Variants in RGS12 observed in about 807,000 individuals in gnomAD.
RGS12 encodes the protein regulator of G protein signaling 12, also known as regulator of G-protein signaling 12.
Under a neutral mutation model 120.1 loss-of-function variants are expected in RGS12, and 66 were observed. The ratio of observed to expected loss-of-function variants is 0.55; its 90% CI spans 0.45 to 0.67. RGS12 has a LOEUF of 0.67. RGS12 is among the 30% of genes least tolerant of loss of function. RGS12 has a pLI of 0.00. For synonymous variants in RGS12, 827 were observed against 804.7 expected (o/e 1.03, Z -0.47); for missense variants, 1,859 against 1,957.7 (o/e 0.95, Z 0.95).
chr4:3,343,082 C>A, intron 3 of RGS12, 29 bp downstream of exon 3: 1 of 1,536,686 alleles, frequency 6.5e-7, no homozygotes, highest in Non-Finnish European at 9.0e-7. Flanking sequence ...TTCTTCTTTT[C>A]TCCTTCAAGT....
intron 4 of RGS12, among the ~76,000 whole-genome samples, chr4:3,400,598 T>C (rs1224253031): frequency 6.7e-6 from 1 of 150,288 alleles, no homozygotes; most frequent in Non-Finnish European, 1.5e-5. Context: ...TGTACTCTAT[T>C]AATTATTATA....
chr4:3,422,499 C>T lies in RGS12; in HGVS notation c.2962C>T (p.Leu988=). ...GGCGGGCTTCTCCATCAAAGACATCCTGTCCGGACTCTGTGAGCGGCATGG... is the reference window on the plus strand; with the variant it reads ...GGCGGGCTTCTCCATCAAAGACATCTTGTCCGGACTCTGTGAGCGGCATGG... The part of the protein sequence containing the change: ...VKAGFSIKDI[L]SGLCERHGIN... The change falls in exon 11 of 18, where the codon CTG becomes TTG. Residue 988 remains leucine (L), a synonymous_variant. Transcript: ENST00000336727. 6.2e-7 allele frequency: 1 copy of T among 1,613,008 alleles called. No individual in the cohort carries two copies. The highest frequency in any genetic ancestry group is 8.5e-7 in the Non-Finnish European group (1 of 1,179,976).
chr4:3,331,887 C>T (rs1711887366), intron 2 of RGS12, among the ~76,000 whole-genome samples: 1 of 152,216 alleles, frequency 6.6e-6, no homozygotes, highest in South Asian at 2.1e-4. Flanking sequence ...CTTTGTGCCA[C>T]CTGCACCAGG....
At chr4:3,294,066 GA>G (rs1723230095) in intron 1 of RGS12, among the ~76,000 whole-genome samples, 1 of 64,182 alleles carries the variant, frequency 1.6e-5, no homozygotes, top group African/African-American at 9.9e-5. Flanking sequence ...CACTTGCTGG[GA>G]ATGTGTCCCT....
intron 14 of RGS12, 132 bp from the exon 15 acceptor site, chr4:3,427,958 G>A: frequency 1.2e-6 from 1 of 842,144 alleles, no homozygotes; most frequent in Non-Finnish European, 2.0e-6. Context: ...GGCTGTGCGT[G>A]GTGAATAAGG....
intron 3 of RGS12, chr4:3,370,089 GAT>G: frequency 7.5e-7 from 1 of 1,327,940 alleles, no homozygotes; most frequent in Non-Finnish European, 9.7e-7. Flanking sequence ...AGACAATTGA[GAT>G]AGAGTCTGAA....
chr4:3,362,830 TGA>T (rs1170382853), intron 3 of RGS12, among the ~76,000 whole-genome samples: 2 of 145,992 alleles, frequency 1.4e-5, no homozygotes, highest in Admixed American at 1.4e-4. Context: ...TCAGTGTGTT[TGA>T]GTGTGAGACT....
intron 4 of RGS12, among the ~76,000 whole-genome samples, chr4:3,405,916 G>C (rs1721069430): frequency 6.6e-6 from 1 of 151,620 alleles, no homozygotes; most frequent in South Asian, 2.1e-4. Flanking sequence ...AGAAAAAGTT[G>C]CCCCCCCAAA....
chr4:3,332,481 A>G (rs2108740220), intron 2 of RGS12, among the ~76,000 whole-genome samples: 1 of 152,348 alleles, frequency 6.6e-6, no homozygotes, highest in East Asian at 1.9e-4. Flanking sequence ...CTCATAACGC[A>G]CTAGTGAGCA....
chr4:3,291,070 T>C (rs1722994777), upstream of RGS12, among the ~76,000 whole-genome samples: 1 of 152,166 alleles, frequency 6.6e-6, no homozygotes, highest in Admixed American at 6.5e-5. Context: ...TATGAGCTGC[T>C]CGTCCTCTTC....
At chr4:3,384,071 C>T (rs1718552272) in intron 3 of RGS12, among the ~76,000 whole-genome samples, 1 of 152,194 alleles carries the variant, frequency 6.6e-6, no homozygotes, top group Non-Finnish European at 1.5e-5. Context: ...ATTTATCTTT[C>T]AGATCTTATT....
At chr4:3,376,832 C>G (rs1323478332) in intron 3 of RGS12, among the ~76,000 whole-genome samples, 1 of 152,194 alleles carries the variant, frequency 6.6e-6, no homozygotes, top group Non-Finnish European at 1.5e-5. Context: ...CTCTGTGCTG[C>G]ACTCAGCCTT....
Position 3,427,671 on chromosome 4 carries a change from G to A in RGS12, c.3332-419G>A, listed in dbSNP as rs112497649. 1.3e-3 allele frequency among the ~76,000 whole-genome samples: 200 copies of A among 152,308 alleles called. 1 individual carries two copies. The highest frequency in any genetic ancestry group is 3.6e-3 in the African/African-American group (148 of 41,576). On this transcript the variant is annotated intron_variant, in intron 14 of 17. Transcript: ENST00000336727. ...GAATTGCTTGAACCCAGGATGCGGG[G>A]GTTGCAGTGAGCCGAGATCGTGCCA...
At chr4:3,367,688 G>A (rs1203798835) in intron 3 of RGS12, among the ~76,000 whole-genome samples, 1 of 152,226 alleles carries the variant, frequency 6.6e-6, no homozygotes, top group Non-Finnish European at 1.5e-5. Flanking sequence ...GTTCTCCCAG[G>A]CGTGTTCTGG....
At chr4:3,358,186 C>T (rs1715077606) in intron 3 of RGS12, among the ~76,000 whole-genome samples, 1 of 151,502 alleles carries the variant, frequency 6.6e-6, no homozygotes, top group African/African-American at 2.4e-5. Context: ...TGTGTGTTGA[C>T]TTTGTGTCCT....
intron 3 of RGS12, among the ~76,000 whole-genome samples, chr4:3,362,387 ATG>A (rs996884538): frequency 4.9e-5 from 6 of 122,640 alleles, no homozygotes; most frequent in African/African-American, 1.6e-4. Context: ...GTGTGTGAGG[ATG>A]TGTGTGAAGG....
intron 16 of RGS12, among the ~76,000 whole-genome samples, 198 bp from the exon 17 acceptor site, chr4:3,430,209 A>C (rs1196387940): frequency 6.6e-6 from 1 of 152,214 alleles, no homozygotes; most frequent in Non-Finnish European, 1.5e-5. Context: ...TCCTGAAGAC[A>C]GAGTATGCTA....
Position 3,316,765 on chromosome 4 carries a change from A to G in RGS12, c.595A>G (p.Ile199Val). ...TCCCAACATGCTTTCTAAGGAGGAA[A>G]TATCAAAAGTTATTCATGATGATTC... ...PNPNMLSKEE[I>V]SKVIHDDSVF... Residue 199 changes from isoleucine (I) to valine (V), a missense_variant, in exon 2 of 18, where the codon ATA (isoleucine) becomes GTA (valine). Coordinates refer to ENST00000336727, the MANE Select transcript of RGS12 (RefSeq NM_001394154.1). The G allele has an allele frequency of 6.2e-7, 1 of 1,614,238 alleles. No homozygotes were observed. Among genetic ancestry groups the G allele is most frequent in the Non-Finnish European group, 8.5e-7 (1 of 1,180,032 alleles).
rs528523052 is a variant in RGS12, at chr4:3,298,153, A to G, written c.-102+5054A>G. On this transcript the variant is annotated intron_variant, in intron 1 of 17. Coordinates refer to ENST00000336727, the MANE Select transcript of RGS12 (RefSeq NM_001394154.1). ...CCCTCAGTGTTCTGAGAAGCCCGAT[A>G]ATGGCATCTGCTTCCGTTTATTGTG... Among the ~76,000 whole-genome samples, 19 of 152,276 alleles carry G rather than the reference A, an allele frequency of 1.2e-4. No individual in the cohort carries two copies. In the South Asian group the frequency reaches 3.3e-3, roughly 27 times the overall value.
Sources: allele counts gnomAD v4.1 joint callset (sites outside exome capture counted in the v4.1 genomes callset), GRCh38; gene constraint gnomAD v4.1.1; transcripts MANE v1.5; gene names NCBI Gene and HGNC (gene_info 2026-07-23, HGNC 2026-07-21).